The following TBC1D22A variants were observed in gnomAD, a reference collection of about 807,000 sequenced individuals.
TBC1D22A encodes TBC1 domain family member 22A, also known as putative GTPase activator.
A neutral mutation model predicts 60.2 loss-of-function variants in TBC1D22A; 38 were observed. The observed-to-expected ratio is 0.63, with a 90% confidence interval of 0.49 to 0.83. The LOEUF is 0.83. TBC1D22A is among the 40% of genes least tolerant of loss of function. The pLI is 0.00. For missense variants in TBC1D22A, 628 were observed against 701.0 expected (o/e 0.90, Z 1.18); for synonymous variants, 302 against 281.7 (o/e 1.07, Z -0.72).
chr22:46,941,220 C>CACACACACACACAG (rs2072025244), intron 8 of TBC1D22A, among the ~76,000 whole-genome samples: 1 of 119,972 alleles, frequency 8.3e-6, no homozygotes, highest in Non-Finnish European at 1.7e-5. Context: ...CACACACACA[C>CACACACACACACAG]ACACACACAC....
intron 3 of TBC1D22A, among the ~76,000 whole-genome samples, chr22:46,796,184 G>A (rs2084644339): frequency 1.3e-5 from 2 of 152,164 alleles, no homozygotes; most frequent in African/African-American, 4.8e-5. Context: ...GGGGATGGGG[G>A]AGGAGACAGG....
intron 10 of TBC1D22A, among the ~76,000 whole-genome samples, chr22:47,001,643 A>G (rs1199936627): frequency 6.6e-6 from 1 of 152,172 alleles, no homozygotes; most frequent in South Asian, 2.1e-4. Flanking sequence ...GCCGAGCTCC[A>G]CAGGCACCAG....
intron 1 of TBC1D22A, among the ~76,000 whole-genome samples, chr22:46,769,835 A>G (rs900711478): frequency 2.6e-5 from 4 of 152,096 alleles, no homozygotes; most frequent in African/African-American, 9.7e-5. Flanking sequence ...GGCCGAGGCC[A>G]GATGCTGTGG....
intron 11 of TBC1D22A, among the ~76,000 whole-genome samples, chr22:47,079,760 A>G (rs991918927): frequency 6.6e-5 from 10 of 152,264 alleles, no homozygotes; most frequent in Non-Finnish European, 1.3e-4. Flanking sequence ...CAACAGCAAT[A>G]TAGTAGACTT....
chr22:47,074,907 C>G (rs929162885), intron 11 of TBC1D22A, among the ~76,000 whole-genome samples: 3 of 152,162 alleles, frequency 2.0e-5, no homozygotes, highest in African/African-American at 7.2e-5. Flanking sequence ...CTGGGTTAAT[C>G]AGATTGAACA....
chr22:46,956,033 A>G (rs2073169595), intron 8 of TBC1D22A, among the ~76,000 whole-genome samples: 1 of 152,218 alleles, frequency 6.6e-6, no homozygotes, highest in Non-Finnish European at 1.5e-5. Flanking sequence ...CTTTTTCAGT[A>G]TGTGAAAATG....
At chr22:46,988,868 C>T (rs760106963) in intron 9 of TBC1D22A, among the ~76,000 whole-genome samples, 2 of 152,198 alleles carry the variant, frequency 1.3e-5, no homozygotes, top group South Asian at 2.1e-4. Context: ...GGCATTGACT[C>T]CTCCTCTCTA....
intron 3 of TBC1D22A, 149 bp downstream of exon 3, chr22:46,793,990 A>C (rs2084541531): frequency 3.8e-6 from 3 of 799,592 alleles, no homozygotes; most frequent in African/African-American, 1.7e-5. Context: ...GTTCTCTTCC[A>C]AGGGTAGGGG....
intron 4 of TBC1D22A, among the ~76,000 whole-genome samples, chr22:46,827,180 G>A (rs1463620820): frequency 6.6e-6 from 1 of 152,094 alleles, no homozygotes; most frequent in African/African-American, 2.4e-5. Context: ...GGGGTCTCCC[G>A]GGTCCCATGG....
intron 8 of TBC1D22A, among the ~76,000 whole-genome samples, chr22:46,958,670 A>G (rs2073339881): frequency 6.6e-6 from 1 of 152,194 alleles, no homozygotes; most frequent in South Asian, 2.1e-4. Context: ...CAGCGTCGGG[A>G]CTTTTCCCCC....
chr22:46,979,894 G>A (rs576491885), intron 9 of TBC1D22A, among the ~76,000 whole-genome samples: 208 of 152,212 alleles, frequency 1.4e-3, no homozygotes, highest in African/African-American at 4.6e-3. Context: ...GCTGGCTACC[G>A]TCTGAGAACT....
At chr22:46,857,663 A>G (rs116535613) in intron 4 of TBC1D22A, among the ~76,000 whole-genome samples, 2,224 of 151,214 alleles carry the variant, frequency 0.015, 49 homozygotes, top group African/African-American at 0.051. Context: ...CACTCCCCCA[A>G]TCCTTCCCCC....
intron 12 of TBC1D22A, among the ~76,000 whole-genome samples, chr22:47,154,861 G>A (rs1053293432): frequency 2.0e-5 from 3 of 152,334 alleles, no homozygotes; most frequent in East Asian, 3.9e-4. Flanking sequence ...GTCCTCTGGC[G>A]TTTTCACTCG....
chr22:47,054,796 A>G (rs2063336078), intron 11 of TBC1D22A, among the ~76,000 whole-genome samples: 1 of 152,132 alleles, frequency 6.6e-6, no homozygotes, highest in Non-Finnish European at 1.5e-5. Context: ...GTTGTGGGGC[A>G]AGGGCGAGGG....
chr22:46,956,067 A>G (rs1303649650), intron 8 of TBC1D22A, among the ~76,000 whole-genome samples: 4 of 152,218 alleles, frequency 2.6e-5, no homozygotes, highest in Non-Finnish European at 5.9e-5. Context: ...TAAAAACAAT[A>G]GGACATAAAA....
At chr22:47,170,679 C>T (rs1209868703) in intron 12 of TBC1D22A, among the ~76,000 whole-genome samples, 12 of 149,040 alleles carry the variant, frequency 8.1e-5, no homozygotes, top group Admixed American at 4.0e-4. Context: ...GATGCAGGAC[C>T]AGAGAGAGGA....
At chr22:46,886,928 T>C (rs1296307234) in intron 5 of TBC1D22A, among the ~76,000 whole-genome samples, 1 of 152,256 alleles carries the variant, frequency 6.6e-6, no homozygotes, top group Non-Finnish European at 1.5e-5. Flanking sequence ...CGTAGTTTGC[T>C]GATTCCTGTT....
chr22:47,051,545 C>A (rs1432570239), intron 11 of TBC1D22A, among the ~76,000 whole-genome samples: 3 of 152,156 alleles, frequency 2.0e-5, no homozygotes, highest in African/African-American at 7.2e-5. Context: ...TCAAAACGCC[C>A]TTCCGGTGGA....
chr22:47,108,069 GAA>G (rs2065701871), intron 11 of TBC1D22A, among the ~76,000 whole-genome samples: 1 of 152,234 alleles, frequency 6.6e-6, no homozygotes. Flanking sequence ...TTAAGAGGAC[GAA>G]AAGAGGAGGC....
Sources: allele counts gnomAD v4.1 joint callset (sites outside exome capture counted in the v4.1 genomes callset), GRCh38; gene constraint gnomAD v4.1.1; transcripts MANE v1.5; gene names NCBI Gene and HGNC (gene_info 2026-07-23, HGNC 2026-07-21).